Variants in STK39 observed in about 807,000 individuals in gnomAD.
STK39 encodes the protein STE20/SPS1-related proline-alanine-rich protein kinase.
Under a neutral mutation model 77.8 loss-of-function variants are expected in STK39, and 20 were observed. That is an observed-to-expected ratio of 0.26 (90% CI 0.18 to 0.37). STK39 has a LOEUF of 0.37. Ranked by LOEUF, STK39 falls within the 10% of genes least tolerant of loss-of-function variation. The pLI is 1.00. For missense variants in STK39, 479 were observed against 656.5 expected (o/e 0.73, Z 2.95); for synonymous variants, 246 against 234.1 (o/e 1.05, Z -0.47).
chr2:168,073,205 CA>C (rs1350697006), intron 12 of STK39, among the ~76,000 whole-genome samples: 10 of 152,176 alleles, frequency 6.6e-5, no homozygotes, highest in Non-Finnish European at 1.5e-4. Context: ...TGCTATTCTC[CA>C]AATAACAAAT....
chr2:167,964,631 T>G, intron 17 of STK39, 31 bp downstream of exon 17: 1 of 1,574,650 alleles, frequency 6.4e-7, no homozygotes, highest in Non-Finnish European at 8.7e-7. Context: ...GGCAAAATAT[T>G]ACCTCCTTCT....
chr2:168,077,257 CAG>C (rs759418269), intron 10 of STK39, among the ~76,000 whole-genome samples: 6 of 152,090 alleles, frequency 3.9e-5, no homozygotes, highest in Non-Finnish European at 8.8e-5. Context: ...TCTTCTTTTC[CAG>C]AGAGAGTCTA....
intron 14 of STK39, among the ~76,000 whole-genome samples, chr2:168,046,445 G>A (rs148852165): frequency 4.8e-4 from 73 of 152,290 alleles, no homozygotes; most frequent in African/African-American, 1.5e-3. Flanking sequence ...AGGAGCAGCC[G>A]TTCAGCATCC....
intron 14 of STK39, among the ~76,000 whole-genome samples, chr2:168,057,949 T>C (rs961189782): frequency 1.3e-5 from 2 of 152,146 alleles, no homozygotes. Context: ...AGTCTGGCAC[T>C]GTCCCCTCCC....
At chr2:168,140,898 G>GA (rs1365332532) in intron 5 of STK39, 140 bp from the exon 6 acceptor site, 115 of 623,562 alleles carry the variant, frequency 1.8e-4, no homozygotes, top group South Asian at 3.3e-4. Context: ...GCTCTCTCAG[G>GA]AAAAAAAAGG....
intron 14 of STK39, among the ~76,000 whole-genome samples, chr2:168,044,402 G>A (rs1427947030): frequency 6.6e-6 from 1 of 152,120 alleles, no homozygotes; most frequent in Non-Finnish European, 1.5e-5. Flanking sequence ...CCTTAAACAT[G>A]GTGATTTACT....
chr2:167,960,811 T>C (rs1028125014), intron 17 of STK39, among the ~76,000 whole-genome samples: 3 of 152,100 alleles, frequency 2.0e-5, no homozygotes, highest in African/African-American at 7.2e-5. Flanking sequence ...CACTCGTCTA[T>C]CCCAGTGCTT....
At chr2:168,198,217 A>G (rs1363099408) in intron 1 of STK39, among the ~76,000 whole-genome samples, 5 of 152,148 alleles carry the variant, frequency 3.3e-5, no homozygotes, top group Admixed American at 2.0e-4. Context: ...ATGACTTTCA[A>G]TTCTGCTATT....
At chr2:168,122,072 G>T (rs1283594247) in intron 10 of STK39, among the ~76,000 whole-genome samples, 1 of 152,158 alleles carries the variant, frequency 6.6e-6, no homozygotes, top group East Asian at 1.9e-4. Context: ...ACATGTGAAG[G>T]TTTGTTTTAC....
chr2:168,016,854 C>G (rs1045249023), intron 15 of STK39, among the ~76,000 whole-genome samples, 189 bp downstream of exon 15: 1 of 152,154 alleles, frequency 6.6e-6, no homozygotes, highest in African/African-American at 2.4e-5. Flanking sequence ...CACTGAGATT[C>G]ATGTAGTCAG....
chr2:168,140,728 C>G lies in STK39; in HGVS notation c.659G>C (p.Gly220Ala). Residue 220 changes from glycine to alanine, a missense_variant, in exon 6 of 18, where the codon GGG becomes GCG. Physicochemically the swap from Gly to Ala is moderately conservative, Grantham distance 60. This residue lies in a region of STK39 where 139 missense variants were observed against 280.6 expected (regional missense o/e 0.50). Transcript: ENST00000355999. ...TACTTTATTTCGGGTAACATCACCCCCTGTTGCTAGGAACGCACTTACCCC... is the reference window on the plus strand; with the variant it reads ...TACTTTATTTCGGGTAACATCACCCGCTGTTGCTAGGAACGCACTTACCCC... ...DFGVSAFLAT[G>A]GDVTRNKVRK... is the part of the protein sequence containing the mutation. 6.2e-7 allele frequency: 1 copy of G among 1,609,830 alleles called. No homozygotes were observed. Among genetic ancestry groups the G allele is most frequent in the East Asian group, 2.2e-5 (1 of 44,750 alleles).
At position 167,959,101 on chromosome 2, in the gene STK39, G is replaced by GATTTATTT. The variant is rs71003016; in HGVS notation, c.1564-3539_1564-3532dup. ...TTATTATCAACAACAAATATTGTCA[G>GATTTATTT]ATTTATTTATTTATTTATTTATTTA... On this transcript the variant is annotated intron_variant, in intron 17 of 17. Coordinates refer to ENST00000355999, the MANE Select transcript of STK39 (RefSeq NM_013233.3). Among the ~76,000 whole-genome samples, 553 of 149,384 alleles carry GATTTATTT rather than the reference G, an allele frequency of 3.7e-3. 1 individual carries two copies. Among genetic ancestry groups the GATTTATTT allele is most frequent in the East Asian group, 0.015 (74 of 5,040 alleles).
At chr2:168,131,084 T>C (rs1687685841) in intron 8 of STK39, among the ~76,000 whole-genome samples, 1 of 152,236 alleles carries the variant, frequency 6.6e-6, no homozygotes. Context: ...TGTGGAAAAT[T>C]ACTGTAGTTG....
In STK39 at chr2:168,036,222, G is replaced by GA. The variant is rs34348905; in HGVS notation, c.1377-19128dup. 4.1e-3 allele frequency among the ~76,000 whole-genome samples: 597 copies of GA among 146,540 alleles called. 2 individuals are homozygous for GA. Among genetic ancestry groups the GA allele is most frequent in the African/African-American group, 0.013 (510 of 40,166 alleles). ...CCACAGTACTGTGAGTCCATACAGG[G>GA]AAAAAAAAAAAACTTGCTGGCCATG... On this transcript the variant is annotated intron_variant, in intron 14 of 17. Transcript: ENST00000355999.
At chr2:168,135,316 G>A (rs761015987) in intron 8 of STK39, among the ~76,000 whole-genome samples, 25 of 151,520 alleles carry the variant, frequency 1.6e-4, no homozygotes, top group Middle Eastern at 3.5e-3. Context: ...GAGACTCCCT[G>A]GGCACTGTGC....
At chr2:168,061,511 A>C (rs1685665207) in intron 14 of STK39, among the ~76,000 whole-genome samples, 2 of 152,206 alleles carry the variant, frequency 1.3e-5, no homozygotes, top group South Asian at 4.1e-4. Flanking sequence ...AGATTGATGA[A>C]TAGTGTGCAT....
intron 2 of STK39, among the ~76,000 whole-genome samples, chr2:168,178,276 T>A (rs747073146): frequency 2.0e-5 from 3 of 152,122 alleles, no homozygotes; most frequent in African/African-American, 4.8e-5. Flanking sequence ...CCAGAACATA[T>A]CCTTGGCTCC....
chr2:168,108,864 T>C (rs1157754318), intron 10 of STK39, among the ~76,000 whole-genome samples: 1 of 152,218 alleles, frequency 6.6e-6, no homozygotes, highest in East Asian at 1.9e-4. Context: ...TCACACTTCA[T>C]GCTTTAAGAA....
intron 16 of STK39, among the ~76,000 whole-genome samples, chr2:167,991,693 G>A (rs901697401): frequency 6.6e-6 from 1 of 152,188 alleles, no homozygotes; most frequent in Admixed American, 6.5e-5. Context: ...ATCCATATTA[G>A]AGACTGAATA....
Sources: gnomAD v4.1 joint callset for allele counts (sites outside exome capture counted in the v4.1 genomes callset) on GRCh38, gnomAD v4.1.1 for gene constraint, gnomAD v4.1.1 regional missense constraint, MANE v1.5 for transcripts, NCBI Gene and HGNC (gene_info 2026-07-23, HGNC 2026-07-21) for gene names.